B3GALT1: variants seen among roughly 807,000 people sequenced by gnomAD.
B3GALT1 encodes beta-1,3-galactosyltransferase 1, also known as UDP-Gal:betaGlcNAc beta 1,3-galactosyltransferase, polypeptide 1.
A neutral mutation model predicts 23.2 loss-of-function variants in B3GALT1; 10 were observed. The observed-to-expected ratio is 0.43, with a 90% CI of 0.27 to 0.73. The LOEUF is 0.73. B3GALT1 is among the 30% of genes least tolerant of loss of function. B3GALT1 has a pLI of 0.21. For missense variants in B3GALT1, 299 were observed against 405.4 expected, an observed-to-expected ratio of 0.74 and a Z score of 2.25; for synonymous variants, 156 against 141.5, an observed-to-expected ratio of 1.10 and a Z score of -0.73.
At chr2:167,649,586 T>A (rs757427339) in intron 3 of B3GALT1, among the ~76,000 whole-genome samples, 4 of 152,142 alleles carry the variant, frequency 2.6e-5, no homozygotes, top group Non-Finnish European at 2.9e-5. Context: ...TTACTTAACA[T>A]CATGTTTTCA....
intron 3 of B3GALT1, among the ~76,000 whole-genome samples, chr2:167,782,921 A>G (rs1328583663): frequency 6.6e-6 from 1 of 152,210 alleles, no homozygotes; most frequent in Non-Finnish European, 1.5e-5. Flanking sequence ...AACATTTTAG[A>G]TAAAATACTA....
chr2:167,379,926 A>C (rs1026895395), intron 1 of B3GALT1, among the ~76,000 whole-genome samples: 1 of 152,212 alleles, frequency 6.6e-6, no homozygotes, highest in African/African-American at 2.4e-5. Context: ...CTGCCTGTGC[A>C]TGTAGAGGAG....
intron 2 of B3GALT1, among the ~76,000 whole-genome samples, chr2:167,536,258 T>C (rs1427238514): frequency 6.6e-6 from 1 of 151,304 alleles, no homozygotes; most frequent in African/African-American, 2.4e-5. Flanking sequence ...CTTTCTTAAA[T>C]GTTAGCCAGA....
rs73022069 is a variant in B3GALT1, at chr2:167,459,737, T to C, written c.-510-30440T>C. Among the ~76,000 whole-genome samples, 526 of 152,328 alleles carry C rather than the reference T, an allele frequency of 3.5e-3. 3 individuals carry two copies. The highest frequency in any genetic ancestry group is 0.012 in the African/African-American group (514 of 41,590). ...GGCTTCAAGTTACTGTCTGGTGTCC[T>C]TTCATTTCACCATGTAGGACTCCCT... On this transcript the variant is annotated intron_variant, in intron 1 of 4. Transcript: ENST00000392690.
At chr2:167,855,660 G>A (rs1689987186) in intron 4 of B3GALT1, among the ~76,000 whole-genome samples, 1 of 152,150 alleles carries the variant, frequency 6.6e-6, no homozygotes, top group African/African-American at 2.4e-5. Context: ...CAGATATAGA[G>A]AATGGCAAGT....
intron 3 of B3GALT1, among the ~76,000 whole-genome samples, chr2:167,679,064 A>G (rs1315186725): frequency 2.0e-5 from 3 of 150,868 alleles, no homozygotes; most frequent in Non-Finnish European, 4.4e-5. Context: ...GTTCACAATA[A>G]CTACATTTCT....
At chr2:167,434,718 C>G (rs865974464) in intron 1 of B3GALT1, among the ~76,000 whole-genome samples, 20 of 142,776 alleles carry the variant, frequency 1.4e-4, no homozygotes, top group East Asian at 1.1e-3. Context: ...TGACCCCCCC[C>G]CCTTATTTTT....
chr2:167,780,745 T>C (rs555647677), intron 3 of B3GALT1, among the ~76,000 whole-genome samples: 2 of 152,362 alleles, frequency 1.3e-5, no homozygotes, highest in African/African-American at 4.8e-5. Context: ...TTGATTCAGG[T>C]ATTTCACTTA....
intron 3 of B3GALT1, among the ~76,000 whole-genome samples, chr2:167,782,857 ATTATT>A (rs1382951294): frequency 2.6e-5 from 4 of 152,218 alleles, no homozygotes; most frequent in African/African-American, 9.6e-5. Context: ...AGGTCATGAA[ATTATT>A]TTAGTATGAA....
intron 2 of B3GALT1, among the ~76,000 whole-genome samples, chr2:167,595,198 A>G (rs753067796): frequency 5.3e-5 from 8 of 152,172 alleles, no homozygotes; most frequent in Non-Finnish European, 1.2e-4. Flanking sequence ...GGGGACCAGC[A>G]GAGCAGTCAT....
chr2:167,867,162 G>T (rs543783505), intron 4 of B3GALT1, among the ~76,000 whole-genome samples: 1 of 152,118 alleles, frequency 6.6e-6, no homozygotes, highest in Non-Finnish European at 1.5e-5. Flanking sequence ...TCCTGACCTC[G>T]TGATCCGCCC....
At chr2:167,686,195 T>G (rs1298797744) in intron 3 of B3GALT1, among the ~76,000 whole-genome samples, 1 of 152,234 alleles carries the variant, frequency 6.6e-6, no homozygotes, top group Non-Finnish European at 1.5e-5. Flanking sequence ...CTTTTAATAC[T>G]TTATGCAAAA....
At chr2:167,515,496 T>C (rs1700087263) in intron 2 of B3GALT1, among the ~76,000 whole-genome samples, 1 of 152,130 alleles carries the variant, frequency 6.6e-6, no homozygotes, top group Admixed American at 6.5e-5. Flanking sequence ...TGATAAACCA[T>C]AAAATTATAG....
chr2:167,667,404 T>C (rs1296107753), intron 3 of B3GALT1, among the ~76,000 whole-genome samples: 2 of 152,092 alleles, frequency 1.3e-5, no homozygotes, highest in Non-Finnish European at 2.9e-5. Context: ...CATTTCAACT[T>C]TGGTGAATCT....
At chr2:167,364,637 C>T (rs1028513779) in intron 1 of B3GALT1, among the ~76,000 whole-genome samples, 2 of 152,052 alleles carry the variant, frequency 1.3e-5, no homozygotes, top group South Asian at 2.1e-4. Flanking sequence ...TGGTTTCCAG[C>T]GTCATCCATG....
chr2:167,766,597 A>G (rs1687980350), intron 3 of B3GALT1, among the ~76,000 whole-genome samples: 1 of 152,192 alleles, frequency 6.6e-6, no homozygotes, highest in Non-Finnish European at 1.5e-5. Context: ...AATGCTCTTT[A>G]TAGACTTTTT....
chr2:167,700,238 T>C (rs1271130007), intron 3 of B3GALT1, among the ~76,000 whole-genome samples: 1 of 152,112 alleles, frequency 6.6e-6, no homozygotes, highest in African/African-American at 2.4e-5. Flanking sequence ...AGTAAGACCT[T>C]GTCTCAAAAA....
intron 4 of B3GALT1, among the ~76,000 whole-genome samples, chr2:167,844,368 C>G (rs1030313559): frequency 6.6e-6 from 1 of 152,194 alleles, no homozygotes; most frequent in African/African-American, 2.4e-5. Flanking sequence ...CACAGACCCT[C>G]TGAAGGAAGC....
At chr2:167,548,501 G>T (rs1683681549) in intron 2 of B3GALT1, among the ~76,000 whole-genome samples, 1 of 152,090 alleles carries the variant, frequency 6.6e-6, no homozygotes. Context: ...AGAGGGTGTG[G>T]GCCCTTCTTC....
Sources: gnomAD v4.1 joint callset for allele counts (sites outside exome capture counted in the v4.1 genomes callset) on GRCh38, gnomAD v4.1.1 for gene constraint, MANE v1.5 for transcripts, NCBI Gene and HGNC (gene_info 2026-07-23, HGNC 2026-07-21) for gene names.